The following LY75 variants were observed in gnomAD, a reference collection of about 807,000 sequenced individuals.
LY75 encodes the protein lymphocyte antigen 75, also known as C-type lectin domain family 13 member B.
In LY75, 185 loss-of-function variants were observed where a neutral mutation model predicts 231.7. The observed-to-expected ratio is 0.80, with a 90% confidence interval of 0.71 to 0.90. The LOEUF (loss-of-function observed/expected upper bound fraction) is 0.90. LY75 is among the 40% of genes least tolerant of loss of function. The pLI is 0.00. For missense variants in LY75, 1,947 were observed against 2,050.2 expected (o/e 0.95, Z 0.97); for synonymous variants, 668 against 689.0 (o/e 0.97, Z 0.48).
intron 16 of LY75, 45 bp downstream of exon 16, chr2:159,858,317 A>C (rs1328734463): frequency 6.3e-7 from 1 of 1,594,414 alleles, no homozygotes; most frequent in Admixed American, 1.8e-5. Flanking sequence ...AGGCATTCAC[A>C]ATGTTAACAT....
At chr2:159,878,770 G>A in intron 9 of LY75, 49 bp from the exon 10 acceptor site, 1 of 1,590,012 alleles carries the variant, frequency 6.3e-7, no homozygotes, top group Admixed American at 1.7e-5. Flanking sequence ...ACTTGATGGT[G>A]TCCCGTCTGG....
Position 159,816,578 on chromosome 2 carries a change from T to C in LY75, c.4380+228A>G, listed in dbSNP as rs546275923. ...ATAGGCTATAGAGGTGTTGTTGAGA[T>C]AGTCATCCACTGGGCCCTTGGGATG... is the stretch of plus-strand genomic sequence containing the variant. On this transcript the variant is annotated intron_variant, in intron 30 of 34. Coordinates refer to ENST00000263636, the MANE Select transcript of LY75 (RefSeq NM_002349.4). 3.3e-5 allele frequency among the ~76,000 whole-genome samples: 5 copies of C among 152,338 alleles called. No homozygotes were observed. In the East Asian group the frequency reaches 9.6e-4, roughly 29 times the overall value.
chr2:159,861,818 T>C (rs1370485725), intron 14 of LY75, among the ~76,000 whole-genome samples: 1 of 152,150 alleles, frequency 6.6e-6, no homozygotes, highest in Non-Finnish European at 1.5e-5. Flanking sequence ...GAAAAGCTTC[T>C]TACTATAAAA....
At chr2:159,808,920 G>A (rs184724318) in intron 32 of LY75, among the ~76,000 whole-genome samples, 3 of 152,228 alleles carry the variant, frequency 2.0e-5, no homozygotes, top group Admixed American at 2.0e-4. Flanking sequence ...GGATATGTGG[G>A]AACTGGGATT....
intron 31 of LY75, among the ~76,000 whole-genome samples, chr2:159,812,564 A>T (rs1414293649): frequency 1.3e-5 from 2 of 151,998 alleles, no homozygotes; most frequent in Non-Finnish European, 2.9e-5. Context: ...GGCATGTACT[A>T]CTGTGTCCAG....
At chr2:159,818,589 A>G (rs1683193062) in intron 29 of LY75, among the ~76,000 whole-genome samples, 1 of 152,204 alleles carries the variant, frequency 6.6e-6, no homozygotes, top group African/African-American at 2.4e-5. Flanking sequence ...ATGTTAAATA[A>G]AAACTACAGA....
At chr2:159,879,134 TTAAATGAA>T in intron 9 of LY75, 117 bp downstream of exon 9, 8 of 1,129,360 alleles carry the variant, frequency 7.1e-6, no homozygotes, top group Non-Finnish European at 7.3e-6. Context: ...TTGTTCTAAC[TTAAATGAA>T]CAGAAGCTAG....
chr2:159,873,999 G>A (rs1479642658), intron 12 of LY75, among the ~76,000 whole-genome samples: 21 of 57,860 alleles, frequency 3.6e-4, no homozygotes, highest in Non-Finnish European at 1.3e-4. Flanking sequence ...ACATATAAAC[G>A]TATATATTTT....
At chr2:159,814,653 C>CAAA (rs34311643) in intron 31 of LY75, among the ~76,000 whole-genome samples, 59 of 73,764 alleles carry the variant, frequency 8.0e-4, no homozygotes, top group South Asian at 6.5e-3. Flanking sequence ...GAAACCCTGT[C>CAAA]AAAAAAAAAA....
At chr2:159,844,873 CAGGTAGTGAGCACAGTACCCAGG>C (rs1294453687) in intron 23 of LY75, among the ~76,000 whole-genome samples, 2 of 150,774 alleles carry the variant, frequency 1.3e-5, no homozygotes. Flanking sequence ...GTGTTGGACC[CAGGTAGTGAGCACAGTACCCAGG>C]AGGTAGTTTT....
At chr2:159,868,845 G>A (rs1270496163) in intron 13 of LY75, among the ~76,000 whole-genome samples, 1 of 152,122 alleles carries the variant, frequency 6.6e-6, no homozygotes, top group Non-Finnish European at 1.5e-5. Flanking sequence ...GATATTGTGT[G>A]TGTCAAGCTT....
intron 28 of LY75, among the ~76,000 whole-genome samples, chr2:159,824,318 C>T (rs1164419756): frequency 6.6e-6 from 1 of 152,120 alleles, no homozygotes; most frequent in Admixed American, 6.5e-5. Flanking sequence ...AGTTGCAATC[C>T]TAATCTCTGA....
rs1252381619 is a variant in LY75 at position 159,804,984 on chromosome 2, AT to A, written c.*59del. The stretch of plus-strand genomic sequence containing the variant: ...GCAGAGTAAATACTGACACTGGGAC[AT>A]TTTAAGTGACTAATTTCTCATAACA... On this transcript the variant is annotated 3_prime_UTR_variant, in exon 35 of 35. Coordinates refer to ENST00000263636, the MANE Select transcript of LY75 (RefSeq NM_002349.4). 3 of 1,388,452 alleles carry A rather than the reference AT, an allele frequency of 2.2e-6. No individual in the cohort carries two copies. The highest frequency in any genetic ancestry group is 3.0e-6 in the Non-Finnish European group (3 of 989,364). 86.0% of individuals were successfully genotyped at this position (1,388,452 alleles called of 1,614,324 possible). A position where few individuals can be genotyped will look rare whatever the true frequency, so the allele number is the denominator to read the frequency against.
chr2:159,899,806 G>T (rs945366501), intron 1 of LY75, among the ~76,000 whole-genome samples: 5 of 152,210 alleles, frequency 3.3e-5, no homozygotes. Flanking sequence ...GAACAGTGGG[G>T]TACAGAAACA....
chr2:159,827,574 G>A (rs1289650612), intron 28 of LY75, among the ~76,000 whole-genome samples: 4 of 152,204 alleles, frequency 2.6e-5, no homozygotes, highest in Non-Finnish European at 4.4e-5. Flanking sequence ...TCTAGAACTA[G>A]AAATATCATT....
chr2:159,812,955 T>C (rs1683006925), intron 31 of LY75, among the ~76,000 whole-genome samples: 2 of 152,230 alleles, frequency 1.3e-5, no homozygotes. Flanking sequence ...AGTATTTGTC[T>C]TTTTGTGACT....
chr2:159,877,022 AAAAAAAAAAAAAGAAAAAAG>A (rs1420802591), intron 11 of LY75, among the ~76,000 whole-genome samples: 1 of 149,188 alleles, frequency 6.7e-6, no homozygotes, highest in Non-Finnish European at 1.5e-5. Context: ...AAAAAAAAAA[AAAAAAAAAAAAAGAAAAAAG>A]AAAAAGAAAA....
chr2:159,819,486 CA>C, intron 29 of LY75, among the ~76,000 whole-genome samples: 1 of 152,094 alleles, frequency 6.6e-6, no homozygotes. Context: ...AATCTAAGAC[CA>C]ATTTACATTA....
intron 20 of LY75, 100 bp from the exon 21 acceptor site, chr2:159,852,440 CAG>C (rs1684431565): frequency 2.1e-6 from 3 of 1,446,878 alleles, no homozygotes; most frequent in Middle Eastern, 2.6e-4. Flanking sequence ...TTTTTTGAGA[CAG>C]AGTCTCGCTC....
Sources: gnomAD v4.1 joint callset for allele counts (sites outside exome capture counted in the v4.1 genomes callset) on GRCh38, gnomAD v4.1.1 for gene constraint, MANE v1.5 for transcripts, NCBI Gene and HGNC (gene_info 2026-07-23, HGNC 2026-07-21) for gene names.